MAF: variants seen among roughly 807,000 people sequenced by gnomAD.
MAF encodes the protein MAF bZIP transcription factor.
In MAF, 10 loss-of-function variants were observed where a neutral mutation model predicts 22.0. The observed-to-expected ratio is 0.45, with a 90% CI of 0.28 to 0.77. The LOEUF is 0.77. MAF is among the 30% of genes least tolerant of loss of function. MAF has a pLI of 0.12. For missense variants in MAF, 544 were observed against 548.4 expected (o/e 0.99, Z 0.08); for synonymous variants, 337 against 255.8 (o/e 1.32, Z -3.03).
the MAF span, among the ~76,000 whole-genome samples, chr16:79,481,234 G>GTT: frequency 0.24 from 35,115 of 148,202 alleles, 4,244 homozygotes; most frequent in East Asian, 0.43. Context: ...TTCCACAACA[G>GTT]TTTTTTTTTT....
At chr16:79,385,933 C>CA in the MAF span, among the ~76,000 whole-genome samples, 4 of 151,888 alleles carry the variant, frequency 2.6e-5, no homozygotes, top group African/African-American at 7.3e-5. Flanking sequence ...CAAAATAAAA[C>CA]AAAAAAAACT....
At chr16:79,403,315 G>A in the MAF span, among the ~76,000 whole-genome samples, 1 of 152,216 alleles carries the variant, frequency 6.6e-6, no homozygotes, top group Non-Finnish European at 1.5e-5. Context: ...CTCAGTGTAT[G>A]CTGAGCAAAT....
the MAF span, among the ~76,000 whole-genome samples, chr16:79,319,588 G>A: frequency 6.6e-6 from 1 of 152,132 alleles, no homozygotes; most frequent in Non-Finnish European, 1.5e-5. Context: ...GGACAATAAT[G>A]CACTTTAAAA....
chr16:79,366,124 C>G, the MAF span, among the ~76,000 whole-genome samples: 3 of 152,238 alleles, frequency 2.0e-5, no homozygotes, highest in East Asian at 5.8e-4. Flanking sequence ...TAAGAACACC[C>G]CTGGTTAACC....
At chr16:79,222,792 T>G in the MAF span, among the ~76,000 whole-genome samples, 1 of 152,030 alleles carries the variant, frequency 6.6e-6, no homozygotes, top group Non-Finnish European at 1.5e-5. Flanking sequence ...TACATAATGG[T>G]AAAGGGATCA....
the MAF span, among the ~76,000 whole-genome samples, chr16:79,225,711 G>A: frequency 2.6e-5 from 4 of 152,246 alleles, no homozygotes; most frequent in South Asian, 8.3e-4. Flanking sequence ...ATCAAAAAGT[G>A]GGCAAAGGAT....
chr16:79,245,914 G>A, the MAF span, among the ~76,000 whole-genome samples: 135 of 152,104 alleles, frequency 8.9e-4, no homozygotes, highest in Non-Finnish European at 1.6e-3. Context: ...GCAGGGACAT[G>A]GATGAAGCTG....
At chr16:79,210,114 G>C in the MAF span, among the ~76,000 whole-genome samples, 1 of 152,142 alleles carries the variant, frequency 6.6e-6, no homozygotes, top group South Asian at 2.1e-4. Flanking sequence ...CAAAACCCAA[G>C]TCTTTGTCTC....
At chr16:79,538,856 A>AAAG in the MAF span, among the ~76,000 whole-genome samples, 1 of 34,852 alleles carries the variant, frequency 2.9e-5, no homozygotes, top group Non-Finnish European at 6.4e-5. Context: ...GAAAGAAAAG[A>AAAG]AAAGAAAAGA....
chr16:79,445,153 C>G, the MAF span, among the ~76,000 whole-genome samples: 231 of 152,178 alleles, frequency 1.5e-3, no homozygotes, highest in Non-Finnish European at 1.5e-3. Flanking sequence ...CCTGCCTCAG[C>G]CCCCTGAGCA....
At chr16:79,269,881 G>A in the MAF span, among the ~76,000 whole-genome samples, 55 of 152,066 alleles carry the variant, frequency 3.6e-4, no homozygotes, top group Admixed American at 3.1e-3. Flanking sequence ...TAGCTCCATC[G>A]TCACCCAAGC....
chr16:79,438,434 G>T, the MAF span, among the ~76,000 whole-genome samples: 2 of 152,200 alleles, frequency 1.3e-5, no homozygotes, highest in African/African-American at 2.4e-5. Context: ...ACAGCGCCCG[G>T]CTTCACTGCC....
chr16:79,227,218 GCACACACC>G, the MAF span, among the ~76,000 whole-genome samples: 1 of 152,014 alleles, frequency 6.6e-6, no homozygotes, highest in African/African-American at 2.4e-5. Context: ...AGGCATGGCG[GCACACACC>G]TGTGGTCCCA....
At position 79,600,682 on chromosome 16, in the gene MAF, A is replaced by C. The variant is rs2288066; in HGVS notation, c.-780T>G. The C allele has an allele frequency of 0.12, 22,938 of 195,718 alleles. 1,977 individuals are homozygous for C. Among genetic ancestry groups the C allele is most frequent in the East Asian group, 0.37 (4,085 of 10,996 alleles). The allele number at this position is 195,718 out of a possible 1,614,324, so 12.1% of individuals were successfully genotyped here. A position where few individuals can be genotyped will look rare whatever the true frequency, so the allele number is the denominator to read the frequency against. ...GGAGGGGGAGGCCAAGCCGACAAGC[A>C]GCCCGAGCTACAGCTAGAAGATGAA... is the stretch of plus-strand genomic sequence containing the variant. On this transcript the variant is annotated 5_prime_UTR_variant, in exon 1 of 2. Coordinates refer to ENST00000326043, the MANE Select transcript of MAF (RefSeq NM_005360.5).
At chr16:79,205,942 A>G in the MAF span, 6 of 152,238 alleles carry the variant, frequency 3.9e-5, 1 homozygote, top group African/African-American at 1.4e-4. Flanking sequence ...TGCTTTGAAA[A>G]AATTCTATCA....
the MAF span, among the ~76,000 whole-genome samples, chr16:79,242,641 T>A: frequency 6.6e-6 from 1 of 151,940 alleles, no homozygotes; most frequent in Non-Finnish European, 1.5e-5. Context: ...ATGAGACAGA[T>A]CAATGAGACA....
At chr16:79,401,129 A>G in the MAF span, among the ~76,000 whole-genome samples, 2 of 152,148 alleles carry the variant, frequency 1.3e-5, no homozygotes, top group East Asian at 3.9e-4. Flanking sequence ...TTCATTTGGG[A>G]CAGGGCGTGG....
At chr16:79,470,843 T>C in the MAF span, among the ~76,000 whole-genome samples, 586 of 152,300 alleles carry the variant, frequency 3.8e-3, no homozygotes, top group Admixed American at 0.01. Flanking sequence ...AACTAGTGTG[T>C]TTTACTGCTA....
At chr16:79,404,001 G>C in the MAF span, among the ~76,000 whole-genome samples, 2 of 152,104 alleles carry the variant, frequency 1.3e-5, no homozygotes, top group African/African-American at 4.8e-5. Context: ...CGTCCATGCA[G>C]TGTGGACCAT....
Sources: allele counts gnomAD v4.1 joint callset (sites outside exome capture counted in the v4.1 genomes callset), GRCh38; gene constraint gnomAD v4.1.1; transcripts MANE v1.5; gene names NCBI Gene and HGNC (gene_info 2026-07-23, HGNC 2026-07-21).